KCNN3: variants seen among roughly 807,000 people sequenced by gnomAD.
The protein encoded by KCNN3 is small conductance calcium-activated potassium channel protein 3.
Under a neutral mutation model 62.9 loss-of-function variants are expected in KCNN3, and 16 were observed. The ratio of observed to expected loss-of-function variants is 0.25; its 90% confidence interval spans 0.17 to 0.39. The LOEUF (loss-of-function observed/expected upper bound fraction) is 0.39. KCNN3 is among the 10% of genes least tolerant of loss of function. The probability of loss-of-function intolerance (pLI) is 1.00; values close to 1 mark genes in which losing one functional copy is unlikely to be tolerated. For synonymous variants in KCNN3, 370 were observed against 389.2 expected (o/e 0.95, Z 0.58); for missense variants, 599 against 949.4 (o/e 0.63, Z 4.85).
chr1:154,709,345 G>T (rs896260804), intron 7 of KCNN3, among the ~76,000 whole-genome samples: 1 of 152,166 alleles, frequency 6.6e-6, no homozygotes, highest in Non-Finnish European at 1.5e-5. Flanking sequence ...GGCCAGGCCG[G>T]TGGTTGCTTG....
intron 2 of KCNN3, among the ~76,000 whole-genome samples, chr1:154,816,243 G>A (rs934369911): frequency 2.6e-5 from 4 of 152,288 alleles, no homozygotes; most frequent in Admixed American, 6.5e-5. Context: ...TGAGACCAAC[G>A]CTAGATCTTG....
At position 154,741,723 on chromosome 1, in the gene KCNN3, A is replaced by AG. The variant is rs1319543935; in HGVS notation, c.1449-8580_1449-8579insC. Among the ~76,000 whole-genome samples the AG allele has an allele frequency of 8.0e-4, 122 of 152,118 alleles. 1 individual carries two copies. Among genetic ancestry groups the AG allele is most frequent in the African/African-American group, 2.8e-3 (118 of 41,500 alleles). On this transcript the variant is annotated intron_variant, in intron 3 of 7. Coordinates refer to ENST00000271915, the MANE Select transcript of KCNN3 (RefSeq NM_002249.6). Reference sequence around the variant, plus strand: ...AAACTAGTTTTGTAAAAAAAAAAAAAAAAGGATTCTTTTCACATGGATCTA... The same window carrying AG: ...AAACTAGTTTTGTAAAAAAAAAAAAAGAAAGGATTCTTTTCACATGGATCTA...
intron 3 of KCNN3, among the ~76,000 whole-genome samples, chr1:154,750,176 G>A (rs1372588931): frequency 2.0e-5 from 3 of 152,194 alleles, no homozygotes; most frequent in Admixed American, 6.5e-5. Flanking sequence ...ACAGCCAGTC[G>A]CACACACTTT....
intron 2 of KCNN3, among the ~76,000 whole-genome samples, chr1:154,808,197 C>T (rs1212165408): frequency 6.6e-6 from 1 of 152,170 alleles, no homozygotes; most frequent in South Asian, 2.1e-4. Flanking sequence ...GGGCTACTAC[C>T]ATTTTAGACC....
At chr1:154,759,290 C>T (rs993529352) in intron 3 of KCNN3, among the ~76,000 whole-genome samples, 3 of 152,196 alleles carry the variant, frequency 2.0e-5, no homozygotes, top group African/African-American at 7.2e-5. Context: ...GGAGAAGGGG[C>T]CCTGTGGAGC....
In KCNN3 at chr1:154,772,031, G is replaced by T. The variant is rs367863664; in HGVS notation, c.1392C>A (p.Leu464=). Residue 464 remains leucine, a synonymous_variant, in exon 3 of 8, where the codon CTC becomes CTA. Transcript: ENST00000271915. The surrounding 1 kb of genome is among the most constrained non-coding windows in gnomAD (Gnocchi z 5.6). ...LMTICPGTVL[L]VFSISLWIIA... ...TGATCCACAGAGAGATGCTGAACACGAGCAGCACAGTGCCAGGGCAGATGG... is the reference window on the plus strand; with the variant it reads ...TGATCCACAGAGAGATGCTGAACACTAGCAGCACAGTGCCAGGGCAGATGG... The T allele has an allele frequency of 2.5e-6, 4 of 1,614,040 alleles. No individual in the cohort carries two copies. In the African/African-American group the frequency reaches 5.3e-5, roughly 22 times the overall value.
rs1009824794 is a variant in KCNN3, at chr1:154,706,603, A to T, written c.*1373T>A. The T allele has an allele frequency of 9.9e-5, 15 of 152,264 alleles. No individual in the cohort carries two copies. The highest frequency in any genetic ancestry group is 3.6e-4 in the African/African-American group (15 of 41,462). 9.4% of individuals were successfully genotyped at this position (152,264 alleles called of 1,614,324 possible). A position where few individuals can be genotyped will look rare whatever the true frequency, so the allele number is the denominator to read the frequency against. ...TTTCGCACCAAGATTAACATGGCACAGTAGGAACAGGCTACTGACAAATCC... is the reference window on the plus strand; with the variant it reads ...TTTCGCACCAAGATTAACATGGCACTGTAGGAACAGGCTACTGACAAATCC... On this transcript the variant is annotated 3_prime_UTR_variant, in exon 8 of 8. Transcript: ENST00000271915.
intron 1 of KCNN3, among the ~76,000 whole-genome samples, chr1:154,864,642 G>A (rs1441404211): frequency 6.6e-6 from 1 of 152,250 alleles, no homozygotes; most frequent in Non-Finnish European, 1.5e-5. Context: ...GTAACTAGAA[G>A]TGGGAAAAGA....
chr1:154,726,784 GC>G (rs1700476326), intron 4 of KCNN3, among the ~76,000 whole-genome samples: 1 of 152,156 alleles, frequency 6.6e-6, no homozygotes, highest in East Asian at 1.9e-4. Flanking sequence ...TTTTAAGTGA[GC>G]CCGCAGCAGA....
chr1:154,714,612 GGTGTGTGT>G (rs200006853), intron 6 of KCNN3, among the ~76,000 whole-genome samples: 1 of 24,822 alleles, frequency 4.0e-5, no homozygotes, highest in African/African-American at 1.1e-4. Flanking sequence ...TGTGGTGTGT[GGTGTGTGT>G]GTGTGTGTGT....
chr1:154,803,342 G>A (rs1650036705), intron 2 of KCNN3, among the ~76,000 whole-genome samples: 1 of 152,232 alleles, frequency 6.6e-6, no homozygotes, highest in Non-Finnish European at 1.5e-5. Context: ...GATGAAAAAG[G>A]CCAGCAGTAT....
intron 2 of KCNN3, among the ~76,000 whole-genome samples, chr1:154,790,084 A>G (rs913872349): frequency 6.6e-6 from 1 of 152,004 alleles, no homozygotes; most frequent in Non-Finnish European, 1.5e-5. Flanking sequence ...AATTTTTTGC[A>G]TTTTTTAGTA....
intron 3 of KCNN3, among the ~76,000 whole-genome samples, chr1:154,740,517 G>C (rs1700804291): frequency 1.3e-5 from 2 of 152,326 alleles, no homozygotes; most frequent in Non-Finnish European, 2.9e-5. Flanking sequence ...CTAAGACTGG[G>C]TTTGCTGGTT....
chr1:154,760,923 G>T (rs899927695), intron 3 of KCNN3, among the ~76,000 whole-genome samples: 2 of 152,214 alleles, frequency 1.3e-5, no homozygotes, highest in Non-Finnish European at 2.9e-5. Context: ...TGGCCGACGG[G>T]TCGGAAGAGA....
intron 1 of KCNN3, among the ~76,000 whole-genome samples, chr1:154,824,751 A>T (rs1020279473): frequency 2.6e-5 from 4 of 152,336 alleles, no homozygotes; most frequent in Admixed American, 2.6e-4. Flanking sequence ...CATCATTTTA[A>T]AGGAAGCAGT....
In KCNN3 at chr1:154,713,541, G is replaced by T. The variant is rs546611839; in HGVS notation, c.1830-8C>A. ...ATCTTGACGCTCCTCAACCTGTGGG[G>T]AAGAATGGTAACAGGCAAGCCCTTC... is the stretch of plus-strand genomic sequence containing the variant. On this transcript the variant is annotated splice_polypyrimidine_tract_variant and splice_region_variant and intron_variant, in intron 6 of 7. Transcript: ENST00000271915. 3 of 1,612,530 alleles carry T rather than the reference G, an allele frequency of 1.9e-6. No individual in the cohort carries two copies. Among genetic ancestry groups the T allele is most frequent in the South Asian group, 2.2e-5 (2 of 91,064 alleles).
rs1316546991 is a variant in KCNN3, at chr1:154,700,035, A to C, written c.*7941T>G. 2 of 152,228 alleles carry C rather than the reference A, an allele frequency of 1.3e-5. No individual in the cohort carries two copies. The highest frequency in any genetic ancestry group is 2.9e-5 in the Non-Finnish European group (2 of 68,040). The allele number at this position is 152,228 out of a possible 1,614,324, so 9.4% of individuals were successfully genotyped here. A position where few individuals can be genotyped will look rare whatever the true frequency, so the allele number is the denominator to read the frequency against. The stretch of plus-strand genomic sequence containing the variant: ...TCCAAGTTATATAACCTCAAGTGGA[A>C]TTTAAAGATGCATTTTTTTAATCCT... On this transcript the variant is annotated 3_prime_UTR_variant, in exon 8 of 8. Transcript: ENST00000271915.
intron 3 of KCNN3, among the ~76,000 whole-genome samples, chr1:154,758,707 T>C (rs572300134): frequency 6.6e-6 from 1 of 152,312 alleles, no homozygotes; most frequent in Non-Finnish European, 1.5e-5. Context: ...GTCTCACCCA[T>C]ATTCCCTCTC....
At chr1:154,861,766 C>T (rs762265509) in intron 1 of KCNN3, among the ~76,000 whole-genome samples, 5 of 152,308 alleles carry the variant, frequency 3.3e-5, no homozygotes, top group East Asian at 1.9e-4. Context: ...CAGGACTCTC[C>T]GGACTGTGGC....
Sources: gnomAD v4.1 joint callset for allele counts (sites outside exome capture counted in the v4.1 genomes callset) on GRCh38, gnomAD v4.1.1 for gene constraint, Gnocchi (gnomAD v3.1) non-coding constraint, MANE v1.5 for transcripts, NCBI Gene and HGNC (gene_info 2026-07-23, HGNC 2026-07-21) for gene names.